The following RERE variants were observed in gnomAD, a reference collection of about 807,000 sequenced individuals.
RERE encodes the protein arginine-glutamic acid dipeptide repeats protein.
A neutral mutation model predicts 146.1 loss-of-function variants in RERE; 40 were observed. The observed-to-expected ratio is 0.27, with a 90% CI of 0.21 to 0.36. The LOEUF (loss-of-function observed/expected upper bound fraction) is 0.36, where lower values mean the gene tolerates loss of function less well. Ranked by LOEUF, RERE falls within the 10% of genes least tolerant of loss-of-function variation. The pLI, the probability that RERE is intolerant of heterozygous loss-of-function variation, is 1.00. For missense variants in RERE, 1,933 were observed against 2,138.7 expected, an observed-to-expected ratio of 0.90 and a Z score of 1.90; for synonymous variants, 1,003 against 866.0, an observed-to-expected ratio of 1.16 and a Z score of -2.78.
Position 8,361,216 on chromosome 1 carries a change from G to A in RERE, c.2291C>T (p.Pro764Leu), listed in dbSNP as rs760220665. Residue 764 changes from proline to leucine, a missense_variant, in exon 18 of 23, where the codon CCA becomes CTA. Around this residue, in one of 11 missense-constraint regions of RERE, gnomAD observed 1,255 missense variants for 1,153.8 expected, o/e 1.09. Coordinates refer to ENST00000400908, the MANE Select transcript of RERE (RefSeq NM_001042681.2). Reference protein sequence around the residue: ...APPGTPQLPTPGPTPSATAVP... With the variant: ...APPGTPQLPTLGPTPSATAVP... ...TGCAGTGGCAGAGGGCGTGGGCCCT[G>A]GCGTGGGCAGCTGAGGGGTCCCTGG... The A allele has an allele frequency of 5.2e-6, 8 of 1,525,940 alleles. No individual in the cohort carries two copies. The African/African-American group carries it at 9.6e-5, about 18-fold the overall frequency. 94.5% of individuals were successfully genotyped at this position (1,525,940 alleles called of 1,614,324 possible). A position where few individuals can be genotyped will look rare whatever the true frequency, so the allele number is the denominator to read the frequency against.
rs565706604 is a variant in RERE, at chr1:8,604,229, T to C, written c.522+10332A>G. On this transcript the variant is annotated intron_variant, in intron 4 of 22. Transcript: ENST00000400908. Reference sequence around the variant, plus strand: ...GGGTAACCAACATGATTCAAACCGATACTATGATTTTAACAGTAAAAACGT... The same window carrying C: ...GGGTAACCAACATGATTCAAACCGACACTATGATTTTAACAGTAAAAACGT... 2.7e-3 allele frequency among the ~76,000 whole-genome samples: 404 copies of C among 152,336 alleles called. 2 individuals carry two copies. The highest frequency in any genetic ancestry group is 9.2e-3 in the African/African-American group (383 of 41,576).
chr1:8,469,013 C>T (rs1010857996), intron 10 of RERE, among the ~76,000 whole-genome samples: 5 of 152,108 alleles, frequency 3.3e-5, no homozygotes, highest in South Asian at 2.1e-4. Context: ...ACTAGGTATG[C>T]GACCTTGAGA....
chr1:8,553,718 G>A (rs1645968582), intron 6 of RERE, among the ~76,000 whole-genome samples: 1 of 152,134 alleles, frequency 6.6e-6, no homozygotes, highest in East Asian at 1.9e-4. Context: ...GTGAAAAGAA[G>A]ATAAAGTATT....
At chr1:8,357,110 C>G (rs1366327877) in intron 20 of RERE, among the ~76,000 whole-genome samples, 1 of 152,222 alleles carries the variant, frequency 6.6e-6, no homozygotes, top group Admixed American at 6.5e-5. Flanking sequence ...TACTTTCTGC[C>G]TCTCACAACG....
At chr1:8,774,596 G>A (rs566381606) in intron 1 of RERE, among the ~76,000 whole-genome samples, 6 of 151,640 alleles carry the variant, frequency 4.0e-5, no homozygotes, top group Admixed American at 6.6e-5. Flanking sequence ...TCAGCTGATC[G>A]ACCCGCCTCG....
chr1:8,517,690 CATTGT>C (rs1460967817), intron 7 of RERE, among the ~76,000 whole-genome samples: 1 of 152,008 alleles, frequency 6.6e-6, no homozygotes, highest in African/African-American at 2.4e-5. Context: ...AACAGAAAGT[CATTGT>C]ATATGAAATC....
intron 8 of RERE, among the ~76,000 whole-genome samples, chr1:8,502,795 C>T (rs1645192679): frequency 6.8e-6 from 1 of 146,870 alleles, no homozygotes; most frequent in African/African-American, 2.5e-5. Flanking sequence ...TATCCCCAAC[C>T]CTGTGCTCTC....
At chr1:8,384,430 A>G in intron 12 of RERE, among the ~76,000 whole-genome samples, 1 of 152,194 alleles carries the variant, frequency 6.6e-6, no homozygotes, top group South Asian at 2.1e-4. Flanking sequence ...CTGTATCTTA[A>G]AGGGGCATTA....
intron 1 of RERE, among the ~76,000 whole-genome samples, chr1:8,770,792 T>C (rs936158767): frequency 6.6e-6 from 1 of 152,234 alleles, no homozygotes; most frequent in African/African-American, 2.4e-5. Context: ...ATTCATCCTG[T>C]AAAAATATTC....
intron 1 of RERE, among the ~76,000 whole-genome samples, chr1:8,787,695 G>A (rs1433122410): frequency 5.3e-5 from 8 of 151,892 alleles, no homozygotes; most frequent in Admixed American, 3.3e-4. Flanking sequence ...GCCAGGCGTC[G>A]TGGTGGGTGC....
At chr1:8,605,745 CAAA>C (rs564574812) in intron 4 of RERE, among the ~76,000 whole-genome samples, 10 of 64,534 alleles carry the variant, frequency 1.5e-4, no homozygotes, top group East Asian at 9.7e-4. Context: ...ACCCCATCTC[CAAA>C]AAAAAAAAAA....
chr1:8,511,270 A>C (rs183251938), intron 7 of RERE, among the ~76,000 whole-genome samples: 394 of 152,330 alleles, frequency 2.6e-3, no homozygotes, highest in Non-Finnish European at 4.6e-3. Flanking sequence ...AAGAGACTTG[A>C]AAATTGTTTA....
intron 2 of RERE, among the ~76,000 whole-genome samples, chr1:8,646,101 TCTC>T (rs1214696106): frequency 1.8e-4 from 1 of 5,698 alleles, no homozygotes; most frequent in Non-Finnish European, 3.4e-4. Flanking sequence ...ACAACAAAGC[TCTC>T]AAATGTGAAA....
intron 6 of RERE, among the ~76,000 whole-genome samples, chr1:8,544,295 C>T (rs1342431580): frequency 6.6e-6 from 1 of 152,072 alleles, no homozygotes; most frequent in Non-Finnish European, 1.5e-5. Flanking sequence ...TTTCTTCCTC[C>T]CAAATTTGTT....
chr1:8,574,659 C>A (rs1220910578), intron 4 of RERE, among the ~76,000 whole-genome samples: 1 of 152,030 alleles, frequency 6.6e-6, no homozygotes, highest in Non-Finnish European at 1.5e-5. Context: ...ACATGCTAAG[C>A]CAAAAAAATC....
chr1:8,545,562 C>A (rs1205082000), intron 6 of RERE, among the ~76,000 whole-genome samples: 3 of 151,854 alleles, frequency 2.0e-5, no homozygotes, highest in Non-Finnish European at 2.9e-5. Flanking sequence ...GGACAACGTG[C>A]ACGAGCACAC....
intron 1 of RERE, among the ~76,000 whole-genome samples, chr1:8,744,428 G>A (rs1206549803): frequency 1.3e-5 from 2 of 152,136 alleles, no homozygotes; most frequent in African/African-American, 4.8e-5. Flanking sequence ...CCACATACAT[G>A]CCCTCTAATA....
chr1:8,568,633 A>G (rs1646180682), intron 4 of RERE, among the ~76,000 whole-genome samples: 1 of 152,174 alleles, frequency 6.6e-6, no homozygotes, highest in Non-Finnish European at 1.5e-5. Context: ...GGCACAGCAC[A>G]AAGCCCTCCC....
intron 1 of RERE, among the ~76,000 whole-genome samples, chr1:8,779,654 C>T (rs1641130600): frequency 6.6e-6 from 1 of 151,642 alleles, no homozygotes; most frequent in African/African-American, 2.4e-5. Context: ...CAAAGCAAGA[C>T]TGTCTCCAAA....
Sources: gnomAD v4.1 joint callset for allele counts (sites outside exome capture counted in the v4.1 genomes callset) on GRCh38, gnomAD v4.1.1 for gene constraint, gnomAD v4.1.1 regional missense constraint, MANE v1.5 for transcripts, NCBI Gene and HGNC (gene_info 2026-07-23, HGNC 2026-07-21) for gene names.